GPD2: variants seen among roughly 807,000 people sequenced by gnomAD.
The protein encoded by GPD2 is glycerol-3-phosphate dehydrogenase 2.
In GPD2, 54 loss-of-function variants were observed where a neutral mutation model predicts 82.4. The ratio of observed to expected loss-of-function variants is 0.66; its 90% CI spans 0.53 to 0.82. GPD2 has a LOEUF of 0.82. Among genes scored for constraint, GPD2 ranks in the 40% least tolerant of loss-of-function variants. GPD2 has a pLI of 0.00. For missense variants in GPD2, 748 were observed against 896.2 expected (o/e 0.83, Z 2.11); for synonymous variants, 288 against 306.1 (o/e 0.94, Z 0.62).
chr2:156,582,118 G>GA lies in GPD2; in HGVS notation c.2059-668dup, dbSNP rs528421425. Among the ~76,000 whole-genome samples, 17 of 151,948 alleles carry GA rather than the reference G, an allele frequency of 1.1e-4. No individual in the cohort carries two copies. In the East Asian group the frequency reaches 3.1e-3, roughly 28 times the overall value. The stretch of plus-strand genomic sequence containing the variant: ...TTGAAACCACATCAAACTTGAAAAG[G>GA]AAAAAAATCCCTATGCTCATAATTG... On this transcript the variant is annotated intron_variant, in intron 16 of 16. Transcript: ENST00000438166.
intron 1 of GPD2, among the ~76,000 whole-genome samples, chr2:156,441,268 T>C (rs1467284052): frequency 6.6e-6 from 1 of 152,168 alleles, no homozygotes; most frequent in African/African-American, 2.4e-5. Flanking sequence ...TATATGTAAG[T>C]AGGCCTGTTG....
chr2:156,457,048 T>C (rs1014191967), intron 1 of GPD2, among the ~76,000 whole-genome samples: 4 of 152,160 alleles, frequency 2.6e-5, no homozygotes, highest in Admixed American at 2.6e-4. Flanking sequence ...GGACACATTC[T>C]TGAGAAATAG....
At chr2:156,523,828 G>A (rs932550422) in intron 6 of GPD2, among the ~76,000 whole-genome samples, 2 of 152,120 alleles carry the variant, frequency 1.3e-5, no homozygotes, top group Non-Finnish European at 2.9e-5. Context: ...CCAGGCATAA[G>A]CCACTATACC....
intron 9 of GPD2, among the ~76,000 whole-genome samples, chr2:156,560,607 A>G (rs897988230): frequency 1.3e-5 from 2 of 152,188 alleles, no homozygotes; most frequent in African/African-American, 4.8e-5. Context: ...GATTCTTTAT[A>G]GCTTCTTTTC....
At chr2:156,487,041 C>T (rs781719297) in intron 2 of GPD2, among the ~76,000 whole-genome samples, 4 of 152,204 alleles carry the variant, frequency 2.6e-5, no homozygotes, top group African/African-American at 4.8e-5. Context: ...TGCATTGGCT[C>T]ATGCCTGTAA....
chr2:156,510,730 T>G, intron 3 of GPD2, 66 bp from the exon 4 acceptor site: 2 of 1,315,638 alleles, frequency 1.5e-6, no homozygotes, highest in Non-Finnish European at 2.2e-6. Context: ...CCTGGAGAAG[T>G]GCCTTTAATG....
At chr2:156,400,755 T>G in the GPD2 span, among the ~76,000 whole-genome samples, 2 of 152,202 alleles carry the variant, frequency 1.3e-5, no homozygotes, top group South Asian at 2.1e-4. Context: ...ACACCAGAAA[T>G]ATGCTTTCGG....
At chr2:156,445,571 A>G (rs1177213105) in intron 1 of GPD2, among the ~76,000 whole-genome samples, 1 of 152,170 alleles carries the variant, frequency 6.6e-6, no homozygotes, top group Non-Finnish European at 1.5e-5. Flanking sequence ...AGTTGTTAAA[A>G]TTTTCTTAGT....
chr2:156,522,229 A>G (rs1237980309), intron 6 of GPD2, among the ~76,000 whole-genome samples: 1 of 152,230 alleles, frequency 6.6e-6, no homozygotes, highest in Non-Finnish European at 1.5e-5. Flanking sequence ...AGCATGTATT[A>G]AATACCAGGC....
chr2:156,557,153 A>T (rs1686993301), intron 8 of GPD2, among the ~76,000 whole-genome samples: 1 of 152,152 alleles, frequency 6.6e-6, no homozygotes. Context: ...TGGGGAGGGA[A>T]GGGGTAGCTC....
At chr2:156,526,203 G>C (rs927004648) in intron 6 of GPD2, among the ~76,000 whole-genome samples, 1 of 152,112 alleles carries the variant, frequency 6.6e-6, no homozygotes, top group Non-Finnish European at 1.5e-5. Context: ...TACAGCCTTA[G>C]CCATCAATAA....
intron 1 of GPD2, among the ~76,000 whole-genome samples, chr2:156,443,167 A>T (rs1345690915): frequency 6.6e-6 from 1 of 152,200 alleles, no homozygotes; most frequent in Non-Finnish European, 1.5e-5. Context: ...TAGTTTTATG[A>T]CATTTTCCCT....
At chr2:156,439,080 T>A (rs1682050731) in intron 1 of GPD2, among the ~76,000 whole-genome samples, 1 of 152,250 alleles carries the variant, frequency 6.6e-6, no homozygotes, top group African/African-American at 2.4e-5. Context: ...TGCTATTGTG[T>A]ACTTCATTGT....
At chr2:156,552,628 G>A (rs1686801016) in intron 8 of GPD2, among the ~76,000 whole-genome samples, 1 of 152,120 alleles carries the variant, frequency 6.6e-6, no homozygotes, top group Non-Finnish European at 1.5e-5. Context: ...GATGTCAGAA[G>A]ACAGAGATTA....
intron 2 of GPD2, among the ~76,000 whole-genome samples, chr2:156,490,538 ACTTT>A (rs761985758): frequency 3.9e-5 from 6 of 152,190 alleles, no homozygotes; most frequent in African/African-American, 7.2e-5. Flanking sequence ...CAAACAAACT[ACTTT>A]CTAGATTTGG....
At chr2:156,437,472 T>C (rs1182629939) in intron 1 of GPD2, among the ~76,000 whole-genome samples, 2 of 152,156 alleles carry the variant, frequency 1.3e-5, no homozygotes, top group African/African-American at 4.8e-5. Context: ...CTGGATGCCA[T>C]TGCCCAATGG....
intron 1 of GPD2, among the ~76,000 whole-genome samples, chr2:156,454,043 A>G (rs183800793): frequency 2.4e-3 from 363 of 152,344 alleles, no homozygotes; most frequent in South Asian, 5.8e-3. Flanking sequence ...CATAAACTTC[A>G]GACAGGTAAG....
At chr2:156,458,840 C>T (rs962868022) in intron 1 of GPD2, among the ~76,000 whole-genome samples, 2 of 151,926 alleles carry the variant, frequency 1.3e-5, no homozygotes, top group Non-Finnish European at 2.9e-5. Context: ...AAGAATAATT[C>T]ATGCTTATTT....
At position 156,550,591 on chromosome 2, in the gene GPD2, T is replaced by G. The variant is rs764161047; in HGVS notation, c.827-11T>G. 7.4e-6 allele frequency: 12 copies of G among 1,613,718 alleles called. No individual in the cohort carries two copies. In the East Asian group the frequency reaches 2.5e-4, roughly 33 times the overall value. ...AATGAGGTGTGTGATTGATGCCACTTTCTTTCACAGGGCAGGAATTTGACG... is the reference window on the plus strand; with the variant it reads ...AATGAGGTGTGTGATTGATGCCACTGTCTTTCACAGGGCAGGAATTTGACG... On this transcript the variant is annotated splice_polypyrimidine_tract_variant and intron_variant, in intron 7 of 16. Transcript: ENST00000438166.
Sources: allele counts gnomAD v4.1 joint callset (sites outside exome capture counted in the v4.1 genomes callset), GRCh38; gene constraint gnomAD v4.1.1; transcripts MANE v1.5; gene names NCBI Gene and HGNC (gene_info 2026-07-23, HGNC 2026-07-21).